The following SPSB4 variants were observed in gnomAD, a reference collection of about 807,000 sequenced individuals.
SPSB4 encodes the protein SPRY domain-containing SOCS box protein 4.
A neutral mutation model predicts 20.9 loss-of-function variants in SPSB4; 21 were observed. The observed-to-expected ratio is 1.01, with a 90% CI of 0.71 to 1.45. The LOEUF is 1.45. Among genes scored for constraint, SPSB4 ranks in the 40% most tolerant of loss-of-function variants. The probability of loss-of-function intolerance (pLI) is 0.00; values close to 1 mark genes in which losing one functional copy is unlikely to be tolerated. For missense variants in SPSB4, 399 were observed against 399.2 expected, an observed-to-expected ratio of 1.00 and a Z score of 0.00; for synonymous variants, 207 against 183.8, an observed-to-expected ratio of 1.13 and a Z score of -1.02.
intron 2 of SPSB4, among the ~76,000 whole-genome samples, chr3:141,145,055 G>A (rs933616142): frequency 2.0e-5 from 3 of 152,086 alleles, no homozygotes; most frequent in Non-Finnish European, 2.9e-5. Context: ...GGAGGTGAGC[G>A]ATCAGCCTTC....
At chr3:141,122,979 C>G (rs1938993402) in intron 2 of SPSB4, among the ~76,000 whole-genome samples, 1 of 152,200 alleles carries the variant, frequency 6.6e-6, no homozygotes. Context: ...ATGAGATGAA[C>G]CAGGTACCTC....
chr3:141,057,873 C>CT, intron 1 of SPSB4, among the ~76,000 whole-genome samples: 1 of 152,190 alleles, frequency 6.6e-6, no homozygotes, highest in East Asian at 1.9e-4. Context: ...AACTGGATTT[C>CT]TTTTTACAGT....
rs527753924 is a variant in SPSB4, at chr3:141,086,809, T to C, written c.694+20011T>C. Among the ~76,000 whole-genome samples the C allele has an allele frequency of 2.6e-5, 4 of 152,340 alleles. No individual in the cohort carries two copies. The East Asian group carries it at 7.7e-4, about 29-fold the overall frequency. The stretch of plus-strand genomic sequence containing the variant: ...ATCAGCACTTTATATGTGTCACCTC[T>C]TTTATCTCATAAGAACACTATAGAG... On this transcript the variant is annotated intron_variant, in intron 2 of 2. Coordinates refer to ENST00000310546, the MANE Select transcript of SPSB4 (RefSeq NM_080862.3).
At chr3:141,138,627 C>T (rs1281235260) in intron 2 of SPSB4, among the ~76,000 whole-genome samples, 1 of 152,148 alleles carries the variant, frequency 6.6e-6, no homozygotes, top group Admixed American at 6.5e-5. Flanking sequence ...TGTTCAGTTT[C>T]CATGCAATTG....
chr3:141,134,000 T>C (rs1413667976), intron 2 of SPSB4, among the ~76,000 whole-genome samples: 1 of 150,938 alleles, frequency 6.6e-6, no homozygotes, highest in Admixed American at 6.6e-5. Context: ...TCATTAGGTA[T>C]ATTCCTAAGT....
intron 2 of SPSB4, among the ~76,000 whole-genome samples, chr3:141,123,391 T>C (rs1225650599): frequency 2.0e-5 from 3 of 152,260 alleles, no homozygotes; most frequent in Non-Finnish European, 4.4e-5. Flanking sequence ...CTTTGCTCTT[T>C]TCCTTATAGA....
At chr3:141,123,635 G>A (rs1184042780) in intron 2 of SPSB4, among the ~76,000 whole-genome samples, 1 of 152,228 alleles carries the variant, frequency 6.6e-6, no homozygotes, top group Non-Finnish European at 1.5e-5. Context: ...TGCCCTGGAT[G>A]AAATTAGCAC....
In SPSB4 at chr3:141,066,749, C is replaced by G. The variant is rs763671148; in HGVS notation, c.645C>G (p.Ala215=). ...KGKKLYPVVS[A]VWGHCEVTMR... ...AGAAGCTGTACCCGGTGGTGAGTGC[C>G]GTGTGGGGCCACTGTGAAGTCACCA... is the stretch of plus-strand genomic sequence containing the variant. The change falls in exon 2 of 3, where the codon GCC becomes GCG. Residue 215 remains alanine, a synonymous_variant. Transcript: ENST00000310546. 6.3e-7 allele frequency: 1 copy of G among 1,591,986 alleles called. No homozygotes were observed. The highest frequency in any genetic ancestry group is 8.6e-7 in the Non-Finnish European group (1 of 1,167,926).
At chr3:141,075,243 G>A (rs1040132811) in intron 2 of SPSB4, among the ~76,000 whole-genome samples, 2 of 151,870 alleles carry the variant, frequency 1.3e-5, no homozygotes, top group Non-Finnish European at 2.9e-5. Context: ...GGAGGCCTTG[G>A]AGCTTGGGCA....
At chr3:141,121,964 G>A (rs1436008223) in intron 2 of SPSB4, among the ~76,000 whole-genome samples, 1 of 152,180 alleles carries the variant, frequency 6.6e-6, no homozygotes, top group Non-Finnish European at 1.5e-5. Flanking sequence ...TTGCTGGCGA[G>A]GATCTGCAAT....
At chr3:141,109,403 G>A (rs1938757450) in intron 2 of SPSB4, among the ~76,000 whole-genome samples, 1 of 152,030 alleles carries the variant, frequency 6.6e-6, no homozygotes, top group African/African-American at 2.4e-5. Context: ...GAGAAGGTGG[G>A]GAGCAGCTCC....
chr3:141,124,227 G>A (rs1939016288), intron 2 of SPSB4: 2 of 152,224 alleles, frequency 1.3e-5, no homozygotes, highest in Admixed American at 6.5e-5. Flanking sequence ...CAGCTAACAC[G>A]AGACCCAGCC....
rs756468963 is a variant in SPSB4, at chr3:141,147,870, G to A, written c.*601G>A. ...ACAGTGCAGTGTGGAGACACCTTCCGGCTTACCTCTTTGAACGTTGTTTAC... is the reference window on the plus strand; with the variant it reads ...ACAGTGCAGTGTGGAGACACCTTCCAGCTTACCTCTTTGAACGTTGTTTAC... On this transcript the variant is annotated 3_prime_UTR_variant, in exon 3 of 3. Coordinates refer to ENST00000310546, the MANE Select transcript of SPSB4 (RefSeq NM_080862.3). 1 of 152,972 alleles carries A rather than the reference G, an allele frequency of 6.5e-6. No homozygotes were observed. The highest frequency in any genetic ancestry group is 1.5e-5 in the Non-Finnish European group (1 of 68,380). The allele number at this position is 152,972 out of a possible 1,614,324, so 9.5% of individuals were successfully genotyped here. A position where few individuals can be genotyped will look rare whatever the true frequency, so the allele number is the denominator to read the frequency against.
chr3:141,061,425 A>T (rs1937759003), intron 1 of SPSB4, among the ~76,000 whole-genome samples: 2 of 152,038 alleles, frequency 1.3e-5, no homozygotes, highest in South Asian at 4.1e-4. Flanking sequence ...AACCTTTTCT[A>T]ATTAATGAGC....
At chr3:141,074,685 A>G (rs964486472) in intron 2 of SPSB4, among the ~76,000 whole-genome samples, 1 of 152,242 alleles carries the variant, frequency 6.6e-6, no homozygotes, top group Non-Finnish European at 1.5e-5. Flanking sequence ...CCTGGTGGAC[A>G]TGCATTCACA....
chr3:141,065,682 CT>C (rs936611174), intron 1 of SPSB4, among the ~76,000 whole-genome samples: 1 of 152,242 alleles, frequency 6.6e-6, no homozygotes, highest in Admixed American at 6.5e-5. Context: ...CGCTTATCCT[CT>C]CTCTGACTTC....
chr3:141,094,769 C>T (rs6786482), intron 2 of SPSB4, among the ~76,000 whole-genome samples: 24,871 of 132,320 alleles, frequency 0.19, 2,903 homozygotes, highest in African/African-American at 0.34. Context: ...CCTGCCCGCC[C>T]CCCGCCCCCC....
At chr3:141,141,288 C>T (rs535848331) in intron 2 of SPSB4, among the ~76,000 whole-genome samples, 10 of 152,312 alleles carry the variant, frequency 6.6e-5, no homozygotes, top group East Asian at 3.9e-4. Flanking sequence ...CCAGGTGAGG[C>T]GACGCCTCGC....
intron 2 of SPSB4, among the ~76,000 whole-genome samples, chr3:141,140,652 G>A (rs1939309688): frequency 6.6e-6 from 1 of 152,184 alleles, no homozygotes; most frequent in Admixed American, 6.5e-5. Context: ...AGCGGATATT[G>A]GTGAACCGCA....
Sources: allele counts gnomAD v4.1 joint callset (sites outside exome capture counted in the v4.1 genomes callset), GRCh38; gene constraint gnomAD v4.1.1; transcripts MANE v1.5; gene names NCBI Gene and HGNC (gene_info 2026-07-23, HGNC 2026-07-21).